The following YWHAB variants were observed in gnomAD, a reference collection of about 807,000 sequenced individuals.
YWHAB encodes the protein 14-3-3 protein beta/alpha.
A neutral mutation model predicts 28.5 loss-of-function variants in YWHAB; 2 were observed. That is an observed-to-expected ratio of 0.07 (90% CI 0.03 to 0.22). YWHAB has a LOEUF of 0.22. Among genes scored for constraint, YWHAB ranks in the 10% least tolerant of loss-of-function variants. The pLI is 1.00. For missense variants in YWHAB, 148 were observed against 297.1 expected, an observed-to-expected ratio of 0.50 and a Z score of 3.69; for synonymous variants, 103 against 104.7, an observed-to-expected ratio of 0.98 and a Z score of 0.10.
At chr20:44,899,428 C>T (rs775639519) in intron 1 of YWHAB, among the ~76,000 whole-genome samples, 12 of 152,032 alleles carry the variant, frequency 7.9e-5, no homozygotes, top group Non-Finnish European at 1.2e-4. Flanking sequence ...TGCAGTGAAC[C>T]GAGATCCCAC....
At chr20:44,899,879 A>G (rs1004201052) in intron 1 of YWHAB, among the ~76,000 whole-genome samples, 2 of 152,214 alleles carry the variant, frequency 1.3e-5, no homozygotes, top group African/African-American at 4.8e-5. Flanking sequence ...TATGGTTTCA[A>G]GTTATGTTGC....
intron 1 of YWHAB, chr20:44,887,480 T>C (rs1325352782): frequency 6.6e-6 from 1 of 152,256 alleles, no homozygotes; most frequent in African/African-American, 2.4e-5. Flanking sequence ...CAAATATTTA[T>C]GGATTGCCAG....
chr20:44,901,477 C>T (rs1025585188), intron 1 of YWHAB, 54 bp from the exon 2 acceptor site: 7 of 1,510,166 alleles, frequency 4.6e-6, no homozygotes, highest in Non-Finnish European at 6.2e-6. Context: ...CACACGTTTC[C>T]TAGGCCCCGA....
intron 4 of YWHAB, 122 bp from the exon 5 acceptor site, chr20:44,905,879 A>G: frequency 1.4e-6 from 1 of 695,066 alleles, no homozygotes; most frequent in East Asian, 2.5e-5. Flanking sequence ...GGGTAATAAT[A>G]GCCTAGGTTC....
At position 44,907,285 on chromosome 20, in the gene YWHAB, A is replaced by G. The variant is rs538224257; in HGVS notation, c.*847A>G. 1 of 152,612 alleles carries G rather than the reference A, an allele frequency of 6.6e-6. No homozygotes were observed. The highest frequency in any genetic ancestry group is 2.1e-4 in the South Asian group (1 of 4,826). 9.5% of individuals were successfully genotyped at this position (152,612 alleles called of 1,614,324 possible). A position where few individuals can be genotyped will look rare whatever the true frequency, so the allele number is the denominator to read the frequency against. On this transcript the variant is annotated 3_prime_UTR_variant, in exon 6 of 6. Coordinates refer to ENST00000353703, the MANE Select transcript of YWHAB (RefSeq NM_139323.4). ...TGTTTCCTGGATAATACCTTTAAGAATAATGTCCTGAGTCAGGCGTGGTGG... is the reference window on the plus strand; with the variant it reads ...TGTTTCCTGGATAATACCTTTAAGAGTAATGTCCTGAGTCAGGCGTGGTGG...
intron 1 of YWHAB, among the ~76,000 whole-genome samples, chr20:44,892,382 T>G (rs569948081): frequency 1.3e-5 from 2 of 152,142 alleles, no homozygotes; most frequent in Non-Finnish European, 2.9e-5. Flanking sequence ...TCTGGTTGGC[T>G]TTCTAAGGAG....
At chr20:44,894,987 A>G (rs952631647) in intron 1 of YWHAB, among the ~76,000 whole-genome samples, 1 of 152,256 alleles carries the variant, frequency 6.6e-6, no homozygotes, top group African/African-American at 2.4e-5. Flanking sequence ...TAAATGTGAA[A>G]CAAACATGAA....
chr20:44,890,500 C>CTTTTTTT (rs35619333), intron 1 of YWHAB, among the ~76,000 whole-genome samples: 4 of 86,390 alleles, frequency 4.6e-5, no homozygotes, highest in Non-Finnish European at 6.6e-5. Context: ...TGGATTCCTA[C>CTTTTTTT]TTTTTTTTTT....
At chr20:44,895,679 G>A (rs1163104317) in intron 1 of YWHAB, among the ~76,000 whole-genome samples, 3 of 152,122 alleles carry the variant, frequency 2.0e-5, no homozygotes, top group Admixed American at 1.3e-4. Flanking sequence ...TGTTGCCCAG[G>A]CTGGTCTTGA....
chr20:44,891,357 G>A (rs994260375), intron 1 of YWHAB, among the ~76,000 whole-genome samples: 6 of 152,066 alleles, frequency 3.9e-5, no homozygotes, highest in Non-Finnish European at 5.9e-5. Context: ...CACCCTCCTC[G>A]GCCTCCCAGA....
intron 1 of YWHAB, among the ~76,000 whole-genome samples, chr20:44,894,403 C>G (rs967198130): frequency 6.6e-6 from 1 of 152,074 alleles, no homozygotes; most frequent in African/African-American, 2.4e-5. Context: ...GAACCTCATT[C>G]AAAGTCTTGG....
At chr20:44,904,447 G>T (rs1172574392) in intron 3 of YWHAB, among the ~76,000 whole-genome samples, 1 of 152,160 alleles carries the variant, frequency 6.6e-6, no homozygotes, top group African/African-American at 2.4e-5. Context: ...TTTATCACAT[G>T]TATTACCGTG....
At chr20:44,894,522 A>C (rs1357107590) in intron 1 of YWHAB, among the ~76,000 whole-genome samples, 1 of 152,214 alleles carries the variant, frequency 6.6e-6, no homozygotes, top group Non-Finnish European at 1.5e-5. Context: ...CCATTTTAAC[A>C]TAACATACTA....
At chr20:44,899,745 T>C (rs1339097341) in intron 1 of YWHAB, among the ~76,000 whole-genome samples, 3 of 152,156 alleles carry the variant, frequency 2.0e-5, no homozygotes, top group African/African-American at 7.2e-5. Context: ...CTGTGGTGAG[T>C]TGATAAGAGA....
At chr20:44,888,256 C>T (rs2066539645) in intron 1 of YWHAB, among the ~76,000 whole-genome samples, 1 of 152,176 alleles carries the variant, frequency 6.6e-6, no homozygotes, top group African/African-American at 2.4e-5. Flanking sequence ...GATTTATTCA[C>T]CAACTGATGA....
intron 1 of YWHAB, among the ~76,000 whole-genome samples, chr20:44,890,369 C>G (rs1601087233): frequency 1.3e-5 from 2 of 152,260 alleles, no homozygotes; most frequent in East Asian, 3.9e-4. Flanking sequence ...TGTGTGCTAC[C>G]TTCCTCTGTC....
At chr20:44,900,000 C>T (rs1198238516) in intron 1 of YWHAB, among the ~76,000 whole-genome samples, 1 of 151,912 alleles carries the variant, frequency 6.6e-6, no homozygotes, top group Non-Finnish European at 1.5e-5. Flanking sequence ...TCACATGTAT[C>T]AGGTCTTTTG....
chr20:44,893,830 C>T (rs1203124818), intron 1 of YWHAB, among the ~76,000 whole-genome samples: 1 of 151,494 alleles, frequency 6.6e-6, no homozygotes, highest in Non-Finnish European at 1.5e-5. Flanking sequence ...TCCCGAGTAG[C>T]TGGGATTACA....
chr20:44,892,256 A>G (rs2066566987), intron 1 of YWHAB, among the ~76,000 whole-genome samples: 3 of 152,088 alleles, frequency 2.0e-5, no homozygotes, highest in South Asian at 4.1e-4. Context: ...TCATTTCTTT[A>G]TCTGCTTTGG....
Sources: allele counts gnomAD v4.1 joint callset (sites outside exome capture counted in the v4.1 genomes callset), GRCh38; gene constraint gnomAD v4.1.1; transcripts MANE v1.5; gene names NCBI Gene and HGNC (gene_info 2026-07-23, HGNC 2026-07-21).